Variants in CNTNAP2 observed in about 807,000 individuals in gnomAD.
CNTNAP2 encodes contactin-associated protein-like 2.
Under a neutral mutation model 155.2 loss-of-function variants are expected in CNTNAP2, and 98 were observed. That is an observed-to-expected ratio of 0.63 (90% CI 0.54 to 0.75). CNTNAP2 has a LOEUF of 0.75. Ranked by LOEUF, CNTNAP2 falls within the 30% of genes least tolerant of loss-of-function variation. The pLI, the probability that CNTNAP2 is intolerant of heterozygous loss-of-function variation, is 0.00. For missense variants in CNTNAP2, 1,727 were observed against 1,688.1 expected, an observed-to-expected ratio of 1.02 and a Z score of -0.40; for synonymous variants, 651 against 631.2, an observed-to-expected ratio of 1.03 and a Z score of -0.47.
At chr7:146,189,289 A>G (rs1162667743) in intron 1 of CNTNAP2, among the ~76,000 whole-genome samples, 3 of 152,190 alleles carry the variant, frequency 2.0e-5, no homozygotes, top group Non-Finnish European at 4.4e-5. Context: ...TACATTGTGT[A>G]CATAGTTAAT....
intron 12 of CNTNAP2, among the ~76,000 whole-genome samples, chr7:147,598,908 G>A (rs181025624): frequency 3.2e-4 from 48 of 152,246 alleles, no homozygotes; most frequent in Admixed American, 1.6e-3. Context: ...AGAAGGACAT[G>A]TTTGCTTCCC....
At chr7:147,046,968 C>G (rs561310374) in intron 4 of CNTNAP2, among the ~76,000 whole-genome samples, 3 of 141,898 alleles carry the variant, frequency 2.1e-5, no homozygotes, top group Non-Finnish European at 4.5e-5. Context: ...GGAGGTGGAG[C>G]TTGCAGTGAG....
At position 147,348,362 on chromosome 7, in the gene CNTNAP2, G is replaced by C. The variant is rs76341089; in HGVS notation, c.1499-47247G>C. 7.0e-3 allele frequency among the ~76,000 whole-genome samples: 869 copies of C among 124,796 alleles called. 30 individuals are homozygous for C. In the East Asian group the frequency reaches 0.07, roughly 10 times the overall value. 81.9% of individuals were successfully genotyped at this position (124,796 alleles called of 152,430 possible). A position where few individuals can be genotyped will look rare whatever the true frequency, so the allele number is the denominator to read the frequency against. On this transcript the variant is annotated intron_variant, in intron 9 of 23. Transcript: ENST00000361727. ...TCTGAATAGACATTTCTCAAAAGAAGACATACAAATAGCAAAAAAAAAAAT... is the reference window on the plus strand; with the variant it reads ...TCTGAATAGACATTTCTCAAAAGAACACATACAAATAGCAAAAAAAAAAAT...
intron 11 of CNTNAP2, among the ~76,000 whole-genome samples, chr7:147,535,714 A>G (rs549717967): frequency 6.6e-6 from 1 of 152,280 alleles, no homozygotes; most frequent in South Asian, 2.1e-4. Context: ...CACTCAGGCC[A>G]AGCTTCCATC....
chr7:147,394,917 T>G (rs955502778), intron 9 of CNTNAP2, among the ~76,000 whole-genome samples: 2 of 151,080 alleles, frequency 1.3e-5, no homozygotes, highest in East Asian at 1.9e-4. Flanking sequence ...TATACCATAT[T>G]ATGGTATTTT....
At chr7:147,289,404 TA>T (rs921665206) in intron 8 of CNTNAP2, among the ~76,000 whole-genome samples, 30 of 132,124 alleles carry the variant, frequency 2.3e-4, no homozygotes, top group African/African-American at 5.8e-4. Context: ...AATCAAATAC[TA>T]AAAAAAAAAC....
chr7:146,425,865 A>G lies in CNTNAP2; in HGVS notation c.97+308892A>G, dbSNP rs182759078. 5.3e-5 allele frequency among the ~76,000 whole-genome samples: 8 copies of G among 152,128 alleles called. No individual in the cohort carries two copies. The East Asian group carries it at 1.4e-3, about 26-fold the overall frequency. ...ACAAACAAACAATAAAAAACTAAAT[A>G]AATTTTAATTAAAATTAAAAGTTAA... On this transcript the variant is annotated intron_variant, in intron 1 of 23. Transcript: ENST00000361727.
At chr7:148,396,518 G>A (rs1463630155) in intron 22 of CNTNAP2, among the ~76,000 whole-genome samples, 1 of 152,168 alleles carries the variant, frequency 6.6e-6, no homozygotes, top group African/African-American at 2.4e-5. Flanking sequence ...GGGAATCTCT[G>A]TCAGTCACCA....
intron 1 of CNTNAP2, among the ~76,000 whole-genome samples, chr7:146,726,856 T>G (rs1360737883): frequency 6.6e-6 from 1 of 152,148 alleles, no homozygotes; most frequent in Admixed American, 6.6e-5. Flanking sequence ...CTATAACAGA[T>G]TTTCCATAGC....
chr7:147,363,697 G>A (rs1796181393), intron 9 of CNTNAP2, among the ~76,000 whole-genome samples: 1 of 152,070 alleles, frequency 6.6e-6, no homozygotes, highest in African/African-American at 2.4e-5. Context: ...TTTTTTGTAT[G>A]TTTTCTATTA....
intron 13 of CNTNAP2, among the ~76,000 whole-genome samples, chr7:147,851,105 G>A: frequency 6.6e-6 from 1 of 152,142 alleles, no homozygotes; most frequent in Non-Finnish European, 1.5e-5. Context: ...TCAACAAGTG[G>A]GCGAAGGACA....
chr7:146,808,111 CTGTCT>C (rs1445517296), intron 2 of CNTNAP2, among the ~76,000 whole-genome samples: 5 of 152,124 alleles, frequency 3.3e-5, no homozygotes, highest in African/African-American at 1.2e-4. Context: ...CATGAGCGGC[CTGTCT>C]TAAGTTTCTT....
chr7:147,830,830 T>C (rs1369704343), intron 13 of CNTNAP2, among the ~76,000 whole-genome samples: 1 of 152,240 alleles, frequency 6.6e-6, no homozygotes, highest in African/African-American at 2.4e-5. Context: ...CAGCCAAATG[T>C]TCAAGAAGCA....
chr7:146,271,009 G>A (rs1563016171), intron 1 of CNTNAP2, among the ~76,000 whole-genome samples: 1 of 152,042 alleles, frequency 6.6e-6, no homozygotes, highest in Non-Finnish European at 1.5e-5. Context: ...AAGTTAGTTT[G>A]GAGTCAAATG....
At chr7:146,499,741 A>G (rs1372530157) in intron 1 of CNTNAP2, among the ~76,000 whole-genome samples, 1 of 152,110 alleles carries the variant, frequency 6.6e-6, no homozygotes, top group African/African-American at 2.4e-5. Context: ...CGTTTCCAGG[A>G]TTAGCTTTCT....
At chr7:146,218,171 G>T (rs1799144893) in intron 1 of CNTNAP2, among the ~76,000 whole-genome samples, 1 of 152,096 alleles carries the variant, frequency 6.6e-6, no homozygotes, top group Non-Finnish European at 1.5e-5. Context: ...TTGTGCACAA[G>T]ACCCAGTCCA....
chr7:146,773,136 A>G (rs1263481502), intron 1 of CNTNAP2, among the ~76,000 whole-genome samples: 1 of 152,188 alleles, frequency 6.6e-6, no homozygotes, highest in Non-Finnish European at 1.5e-5. Flanking sequence ...CGTTAACATT[A>G]GAAGCACTTA....
chr7:148,380,040 C>T (rs1799018892), intron 21 of CNTNAP2, among the ~76,000 whole-genome samples: 1 of 152,198 alleles, frequency 6.6e-6, no homozygotes, highest in Non-Finnish European at 1.5e-5. Context: ...TTTAAGTGAA[C>T]TATTTTCTGT....
intron 14 of CNTNAP2, among the ~76,000 whole-genome samples, chr7:147,971,795 T>G (rs1009097938): frequency 6.6e-6 from 1 of 152,248 alleles, no homozygotes; most frequent in Non-Finnish European, 1.5e-5. Context: ...CTTTCATGTC[T>G]CTTGTATAGA....
Sources: allele counts gnomAD v4.1 joint callset (sites outside exome capture counted in the v4.1 genomes callset), GRCh38; gene constraint gnomAD v4.1.1; transcripts MANE v1.5; gene names NCBI Gene and HGNC (gene_info 2026-07-23, HGNC 2026-07-21).